The following C10orf90 variants were observed in gnomAD, a reference collection of about 807,000 sequenced individuals.
C10orf90 encodes (E2-independent) E3 ubiquitin-conjugating enzyme FATS.
In C10orf90, 56 loss-of-function variants were observed where a neutral mutation model predicts 62.5. The ratio of observed to expected loss-of-function variants is 0.90; its 90% confidence interval spans 0.72 to 1.12. C10orf90 has a LOEUF of 1.12. Among genes scored for constraint, C10orf90 ranks in the 50% most tolerant of loss-of-function variants. The probability of loss-of-function intolerance (pLI) is 0.00; values close to 1 mark genes in which losing one functional copy is unlikely to be tolerated. For synonymous variants in C10orf90, 386 were observed against 340.4 expected (o/e 1.13, Z -1.47); for missense variants, 970 against 880.4 (o/e 1.10, Z -1.29).
chr10:126,605,750 C>A (rs1379156591), intron 2 of C10orf90, among the ~76,000 whole-genome samples: 2 of 152,124 alleles, frequency 1.3e-5, no homozygotes, highest in African/African-American at 4.8e-5. Context: ...TGGACTCTAG[C>A]AATGACTAGA....
chr10:126,542,715 A>C (rs920677142), intron 2 of C10orf90, among the ~76,000 whole-genome samples: 6 of 151,986 alleles, frequency 3.9e-5, no homozygotes, highest in African/African-American at 9.7e-5. Flanking sequence ...ACACACACAC[A>C]CCCCTATAAA....
At chr10:126,526,286 T>C (rs1044346341) in intron 2 of C10orf90, among the ~76,000 whole-genome samples, 2 of 151,394 alleles carry the variant, frequency 1.3e-5, no homozygotes, top group African/African-American at 2.4e-5. Context: ...ACTCTGTCGT[T>C]CAGGCTGGAG....
chr10:126,464,886 G>A lies in C10orf90; in HGVS notation c.1635C>T (p.Phe545=), dbSNP rs765912475. 42 of 1,614,050 alleles carry A rather than the reference G, an allele frequency of 2.6e-5. No homozygotes were observed. The highest frequency in any genetic ancestry group is 9.3e-6 in the Non-Finnish European group (11 of 1,180,014). ...TTGGAGAGCTATCCCCAATGGGAAG[G>A]AAATGTCTAGTGGGCTTCTGTTCCA... The part of the protein sequence containing the change: ...PPVEQKPTRH[F]LPIGDSSPSD... The change falls in exon 5 of 10, where the codon TTC becomes TTT. Residue 545 remains phenylalanine, a synonymous_variant. Coordinates refer to ENST00000488181, the MANE Select transcript of C10orf90 (RefSeq NM_001350921.2).
chr10:126,444,535 T>C (rs1410665037), intron 7 of C10orf90, among the ~76,000 whole-genome samples: 4 of 151,998 alleles, frequency 2.6e-5, no homozygotes, highest in South Asian at 4.2e-4. Flanking sequence ...CACAAACAAA[T>C]GGAAATACAT....
At chr10:126,602,165 C>G (rs1360129093) in intron 2 of C10orf90, among the ~76,000 whole-genome samples, 4 of 152,166 alleles carry the variant, frequency 2.6e-5, no homozygotes, top group African/African-American at 9.7e-5. Context: ...AGGACAAGCC[C>G]TTCTGATGAA....
chr10:126,579,629 T>C (rs1564880387), intron 2 of C10orf90, among the ~76,000 whole-genome samples: 1 of 152,192 alleles, frequency 6.6e-6, no homozygotes, highest in Non-Finnish European at 1.5e-5. Flanking sequence ...AAGTTTAGCA[T>C]GTATATTATT....
At chr10:126,605,260 G>A (rs1845282997) in intron 2 of C10orf90, among the ~76,000 whole-genome samples, 1 of 151,878 alleles carries the variant, frequency 6.6e-6, no homozygotes, top group Non-Finnish European at 1.5e-5. Flanking sequence ...CAAGCCAAAG[G>A]AAAGATGGAA....
chr10:126,592,588 C>T (rs777739440), intron 2 of C10orf90, among the ~76,000 whole-genome samples: 7 of 152,126 alleles, frequency 4.6e-5, no homozygotes, highest in Non-Finnish European at 1.0e-4. Context: ...ACTGTAAAAA[C>T]CCTAGAAGAA....
intron 2 of C10orf90, among the ~76,000 whole-genome samples, chr10:126,633,588 G>C (rs887221002): frequency 1.3e-5 from 2 of 152,230 alleles, no homozygotes; most frequent in Non-Finnish European, 1.5e-5. Flanking sequence ...GACGGGCTGA[G>C]CATGGAGACC....
rs180888311 is a variant in C10orf90, at chr10:126,618,683, G to A, written c.313+27882C>T. Among the ~76,000 whole-genome samples the A allele has an allele frequency of 7.2e-4, 109 of 152,102 alleles. 1 individual carries two copies. The highest frequency in any genetic ancestry group is 2.5e-3 in the African/African-American group (104 of 41,488). Reference sequence around the variant, plus strand: ...TATAGAAAAAAAAACAAATCACAAAGGGATAGCTTGGAATTTGTACAAAGT... The same window carrying A: ...TATAGAAAAAAAAACAAATCACAAAAGGATAGCTTGGAATTTGTACAAAGT... On this transcript the variant is annotated intron_variant, in intron 2 of 9. Coordinates refer to ENST00000488181, the MANE Select transcript of C10orf90 (RefSeq NM_001350921.2).
At chr10:126,629,669 A>G (rs1845813846) in intron 2 of C10orf90, among the ~76,000 whole-genome samples, 1 of 152,242 alleles carries the variant, frequency 6.6e-6, no homozygotes. Flanking sequence ...GAAGCTCACA[A>G]GGGATGAGTA....
intron 2 of C10orf90, among the ~76,000 whole-genome samples, chr10:126,532,353 C>T (rs1864117299): frequency 6.6e-6 from 1 of 152,226 alleles, no homozygotes; most frequent in East Asian, 1.9e-4. Context: ...GTCTGAGGCC[C>T]TGATTCCAGT....
chr10:126,504,285 TC>T lies in C10orf90; in HGVS notation c.1205del (p.Gly402GlufsTer2), dbSNP rs747239503. Reference sequence around the variant, plus strand: ...GCTCTCTGTTCACTAGGCCATCTACTCCATCTGCTGTTAATCTGTGGGAACT... The same window carrying T: ...GCTCTCTGTTCACTAGGCCATCTACTCATCTGCTGTTAATCTGTGGGAACT... ...NCSSHRLTAD[G>X]VDGLVNREPI... On this transcript the variant is annotated frameshift_variant, in exon 4 of 10. Transcript: ENST00000488181. LOFTEE classifies it high-confidence loss of function. This position sits in a 1 kb window ranked among gnomAD's most constrained non-coding sequence, Gnocchi z 4.1. The T allele has an allele frequency of 2.5e-6, 4 of 1,614,160 alleles. 1 individual carries two copies. The highest frequency in any genetic ancestry group is 3.4e-6 in the Non-Finnish European group (4 of 1,180,034).
chr10:126,578,279 C>T lies in C10orf90; in HGVS notation c.314-64340G>A, dbSNP rs570872075. ...ATCCAGAGTACATAAAGAACTCTCGCGAATTAGTAATAAAAAGACAAACAA... is the reference window on the plus strand; with the variant it reads ...ATCCAGAGTACATAAAGAACTCTCGTGAATTAGTAATAAAAAGACAAACAA... On this transcript the variant is annotated intron_variant, in intron 2 of 9. Transcript: ENST00000488181. 1.0e-3 allele frequency among the ~76,000 whole-genome samples: 156 copies of T among 151,428 alleles called. 1 individual carries two copies. The South Asian group carries it at 0.013, about 13-fold the overall frequency.
chr10:126,599,571 C>A (rs1478613972), intron 2 of C10orf90, among the ~76,000 whole-genome samples: 2 of 151,520 alleles, frequency 1.3e-5, no homozygotes, highest in Non-Finnish European at 2.9e-5. Flanking sequence ...CTGCATGGGG[C>A]CCCATGCATC....
chr10:126,428,034 T>C (rs1413791736), intron 8 of C10orf90, among the ~76,000 whole-genome samples: 1 of 152,130 alleles, frequency 6.6e-6, no homozygotes, highest in Non-Finnish European at 1.5e-5. Context: ...TCATGGTCCA[T>C]CTATACGATG....
chr10:126,476,201 C>A (rs1452828755), intron 4 of C10orf90, among the ~76,000 whole-genome samples: 5 of 152,214 alleles, frequency 3.3e-5, no homozygotes, highest in Non-Finnish European at 7.3e-5. Flanking sequence ...CACTTCTCAG[C>A]GCTCCTGGGG....
chr10:126,597,125 C>T (rs991921349), intron 2 of C10orf90, among the ~76,000 whole-genome samples: 2 of 152,202 alleles, frequency 1.3e-5, no homozygotes, highest in African/African-American at 4.8e-5. Context: ...ATACAGTTCA[C>T]TTTGGAATAC....
chr10:126,447,613 T>C (rs2134054116), intron 7 of C10orf90, among the ~76,000 whole-genome samples: 1 of 152,240 alleles, frequency 6.6e-6, no homozygotes, highest in East Asian at 1.9e-4. Context: ...CTTTCAGCAA[T>C]GAACAGATCA....
Sources: allele counts gnomAD v4.1 joint callset (sites outside exome capture counted in the v4.1 genomes callset), GRCh38; gene constraint gnomAD v4.1.1; non-coding constraint Gnocchi (gnomAD v3.1); transcripts MANE v1.5; gene names NCBI Gene and HGNC (gene_info 2026-07-23, HGNC 2026-07-21).